The following RBFOX1 variants were observed in gnomAD, a reference collection of about 807,000 sequenced individuals.
The protein encoded by RBFOX1 is RNA binding protein fox-1 homolog 1.
A neutral mutation model predicts 57.7 loss-of-function variants in RBFOX1; 8 were observed. The observed-to-expected ratio is 0.14, with a 90% CI of 0.08 to 0.25. The LOEUF (loss-of-function observed/expected upper bound fraction) is 0.25. Ranked by LOEUF, RBFOX1 falls within the 10% of genes least tolerant of loss-of-function variation. The probability of loss-of-function intolerance (pLI) is 1.00; values close to 1 mark genes in which losing one functional copy is unlikely to be tolerated. For missense variants in RBFOX1, 611 were observed against 548.5 expected (o/e 1.11, Z -1.14); for synonymous variants, 326 against 222.4 (o/e 1.47, Z -4.15).
chr16:5,289,131 CAAAA>C (rs201287890), intron 1 of RBFOX1: 1 of 206,768 alleles, frequency 4.8e-6, no homozygotes, highest in Non-Finnish European at 1.0e-5. Context: ...TCTCAAAAAA[CAAAA>C]AAAACACACA....
intron 1 of RBFOX1, among the ~76,000 whole-genome samples, chr16:6,203,539 A>G (rs889322659): frequency 2.0e-5 from 3 of 152,158 alleles, no homozygotes; most frequent in Non-Finnish European, 4.4e-5. Context: ...TAGCGGTGCA[A>G]TGAACATGGA....
chr16:6,064,489 C>A (rs561927571), intron 1 of RBFOX1, among the ~76,000 whole-genome samples: 2 of 152,112 alleles, frequency 1.3e-5, no homozygotes, highest in African/African-American at 2.4e-5. Flanking sequence ...GTAAGCAAAT[C>A]CATTCCCACA....
intron 4 of RBFOX1, among the ~76,000 whole-genome samples, chr16:7,170,051 G>A (rs1463499348): frequency 1.3e-5 from 2 of 152,178 alleles, no homozygotes; most frequent in Admixed American, 6.5e-5. Flanking sequence ...TCTAGCCTAG[G>A]TGATAGAGGA....
intron 2 of RBFOX1, among the ~76,000 whole-genome samples, chr16:6,430,967 GA>G (rs59044318): frequency 0.033 from 2,998 of 90,472 alleles, 31 homozygotes; most frequent in African/African-American, 0.057. Flanking sequence ...CTCATCTCCA[GA>G]AAAAAAAAAA....
chr16:7,333,635 AG>A (rs2096732358), intron 4 of RBFOX1, among the ~76,000 whole-genome samples: 1 of 152,206 alleles, frequency 6.6e-6, no homozygotes, highest in Admixed American at 6.5e-5. Flanking sequence ...AGATTATTCT[AG>A]GAATCCCTTG....
At chr16:5,903,121 TGTGTGTATGTGA>T (rs1184871385) in intron 4 of RBFOX1, among the ~76,000 whole-genome samples, 3 of 152,002 alleles carry the variant, frequency 2.0e-5, no homozygotes, top group African/African-American at 7.3e-5. Context: ...TGGGTGTGGG[TGTGTGTATGTGA>T]GTGTGTATGT....
chr16:6,785,763 C>G (rs2081854246), intron 3 of RBFOX1, among the ~76,000 whole-genome samples: 1 of 152,102 alleles, frequency 6.6e-6, no homozygotes, highest in Non-Finnish European at 1.5e-5. Flanking sequence ...TCATCATTTT[C>G]CAGATGAGGA....
intron 4 of RBFOX1, among the ~76,000 whole-genome samples, chr16:7,221,521 C>T (rs2092730689): frequency 1.3e-5 from 2 of 152,006 alleles, no homozygotes; most frequent in African/African-American, 4.8e-5. Flanking sequence ...TGCGTGCCAT[C>T]ACACCTAGCT....
At chr16:6,011,599 G>C (rs2094961721) in intron 4 of RBFOX1, among the ~76,000 whole-genome samples, 1 of 152,156 alleles carries the variant, frequency 6.6e-6, no homozygotes, top group Non-Finnish European at 1.5e-5. Context: ...GCTTGGCATA[G>C]AGTATGTTCT....
intron 1 of RBFOX1, among the ~76,000 whole-genome samples, chr16:6,118,795 C>CCT (rs1567499455): frequency 1.7e-4 from 25 of 147,156 alleles, no homozygotes; most frequent in African/African-American, 6.0e-4. Flanking sequence ...CTTTCTCTCT[C>CCT]TCCTTCCTTC....
rs1038691999 is a variant in RBFOX1 at position 7,050,384 on chromosome 16, G to C, written c.-15-1673G>C. Among the ~76,000 whole-genome samples, 5 of 151,520 alleles carry C rather than the reference G, an allele frequency of 3.3e-5. 1 individual carries two copies. The highest frequency in any genetic ancestry group is 7.4e-5 in the Non-Finnish European group (5 of 67,946). ...AGGTTCAAGTGATTCTCCTGCTTCAGCCAACTGAGTAGCTGGGATTACAGA... is the reference window on the plus strand; with the variant it reads ...AGGTTCAAGTGATTCTCCTGCTTCACCCAACTGAGTAGCTGGGATTACAGA... On this transcript the variant is annotated intron_variant, in intron 3 of 15. Coordinates refer to ENST00000550418, the MANE Select transcript of RBFOX1 (RefSeq NM_018723.4).
At chr16:7,022,018 T>TCC (rs2039381622) in intron 3 of RBFOX1, among the ~76,000 whole-genome samples, 1 of 4,196 alleles carries the variant, frequency 2.4e-4, no homozygotes, top group Non-Finnish European at 3.5e-4. Flanking sequence ...CCCCTTCCCT[T>TCC]CCCCCTCCCC....
At chr16:7,052,219 G>A (rs914382778) in intron 4 of RBFOX1, 121 bp downstream of exon 4, 3 of 1,404,464 alleles carry the variant, frequency 2.1e-6, no homozygotes, top group African/African-American at 2.9e-5. Flanking sequence ...GACTGGTAGA[G>A]TTGAAAATAT....
rs530882868 is a variant in RBFOX1, at chr16:6,901,767, C to T, written c.-15-150290C>T. ...GCTTCAGACCCAGTAGAGATTAACACTCATAGATGAGATGGATTGAGAAGG... is the reference window on the plus strand; with the variant it reads ...GCTTCAGACCCAGTAGAGATTAACATTCATAGATGAGATGGATTGAGAAGG... On this transcript the variant is annotated intron_variant, in intron 3 of 15. Coordinates refer to ENST00000550418, the MANE Select transcript of RBFOX1 (RefSeq NM_018723.4). 4.6e-5 allele frequency among the ~76,000 whole-genome samples: 7 copies of T among 152,274 alleles called. No homozygotes were observed. The East Asian group carries it at 1.4e-3, about 29-fold the overall frequency.
chr16:6,403,432 C>G (rs1328019003), intron 2 of RBFOX1, among the ~76,000 whole-genome samples: 1 of 151,792 alleles, frequency 6.6e-6, no homozygotes, highest in African/African-American at 2.4e-5. Context: ...GGTGTGACCA[C>G]CACTCATTGC....
At chr16:6,936,358 G>C (rs1013139159) in intron 3 of RBFOX1, among the ~76,000 whole-genome samples, 12 of 152,172 alleles carry the variant, frequency 7.9e-5, no homozygotes, top group African/African-American at 2.7e-4. Flanking sequence ...AACTCTCAAT[G>C]AGCATAGGCA....
At chr16:5,338,043 C>G (rs1300549815) in intron 1 of RBFOX1, among the ~76,000 whole-genome samples, 2 of 152,102 alleles carry the variant, frequency 1.3e-5, no homozygotes, top group African/African-American at 2.4e-5. Flanking sequence ...GTCCTTGTCT[C>G]TAAAAAGAAA....
chr16:5,817,948 C>T (rs952990598), intron 3 of RBFOX1, among the ~76,000 whole-genome samples: 3 of 151,906 alleles, frequency 2.0e-5, no homozygotes, highest in African/African-American at 7.2e-5. Flanking sequence ...CCTCGGCCTC[C>T]AAAAGTGCTG....
intron 4 of RBFOX1, among the ~76,000 whole-genome samples, chr16:7,496,448 T>G (rs938213882): frequency 6.6e-6 from 1 of 152,180 alleles, no homozygotes; most frequent in Non-Finnish European, 1.5e-5. Context: ...TGGCCAAGTT[T>G]CCTTATCTTT....
Sources: gnomAD v4.1 joint callset for allele counts (sites outside exome capture counted in the v4.1 genomes callset) on GRCh38, gnomAD v4.1.1 for gene constraint, MANE v1.5 for transcripts, NCBI Gene and HGNC (gene_info 2026-07-23, HGNC 2026-07-21) for gene names.